Variants in KLHL20 observed in about 807,000 individuals in gnomAD.
KLHL20 encodes kelch like family member 20, also known as kelch-like protein 20.
Under a neutral mutation model 69.5 loss-of-function variants are expected in KLHL20, and 29 were observed. That is an observed-to-expected ratio of 0.42 (90% CI 0.31 to 0.57). KLHL20 has a LOEUF of 0.57. KLHL20 is among the 20% of genes least tolerant of loss of function. The probability of loss-of-function intolerance (pLI) is 0.18; values close to 1 mark genes in which losing one functional copy is unlikely to be tolerated. For synonymous variants in KLHL20, 253 were observed against 265.2 expected, an observed-to-expected ratio of 0.95 and a Z score of 0.45; for missense variants, 419 against 776.0, an observed-to-expected ratio of 0.54 and a Z score of 5.47.
intron 11 of KLHL20, 115 bp downstream of exon 11, chr1:173,782,345 G>A: frequency 1.5e-6 from 1 of 651,238 alleles, no homozygotes; most frequent in Non-Finnish European, 2.6e-6. Context: ...ACTTTGAAGA[G>A]GGCTGAAGTT....
At chr1:173,746,706 A>T (rs969291428) in intron 3 of KLHL20, among the ~76,000 whole-genome samples, 7 of 152,046 alleles carry the variant, frequency 4.6e-5, no homozygotes, top group Non-Finnish European at 1.0e-4. Context: ...TTTACTTATT[A>T]ATTAGATCTA....
intron 2 of KLHL20, 150 bp from the exon 3 acceptor site, chr1:173,733,563 C>T: frequency 1.5e-6 from 1 of 677,094 alleles, no homozygotes; most frequent in South Asian, 2.1e-5. Flanking sequence ...ATCTGGGCAA[C>T]ACAGTGAGAC....
intron 2 of KLHL20, among the ~76,000 whole-genome samples, chr1:173,729,851 G>GT (rs1482829767): frequency 1.3e-5 from 2 of 152,182 alleles, no homozygotes; most frequent in Non-Finnish European, 2.9e-5. Flanking sequence ...TCAACATAGT[G>GT]TTGGAAGTTC....
At chr1:173,753,557 A>G (rs1423959891) in intron 5 of KLHL20, among the ~76,000 whole-genome samples, 2 of 152,206 alleles carry the variant, frequency 1.3e-5, no homozygotes, top group Non-Finnish European at 2.9e-5. Context: ...ATAAAAAGGT[A>G]GATTTCCAAG....
At chr1:173,726,049 A>T (rs1392302499) in intron 2 of KLHL20, among the ~76,000 whole-genome samples, 1 of 152,136 alleles carries the variant, frequency 6.6e-6, no homozygotes, top group Non-Finnish European at 1.5e-5. Flanking sequence ...CTCCTACCTT[A>T]ATACTGCGCT....
At chr1:173,724,705 T>G (rs968636656) in intron 2 of KLHL20, among the ~76,000 whole-genome samples, 1 of 152,086 alleles carries the variant, frequency 6.6e-6, no homozygotes, top group Non-Finnish European at 1.5e-5. Context: ...CTTAGGGGGC[T>G]GAGGTGGGAG....
chr1:173,745,984 T>G (rs1364115845), intron 3 of KLHL20, among the ~76,000 whole-genome samples: 3 of 152,130 alleles, frequency 2.0e-5, no homozygotes, highest in Non-Finnish European at 2.9e-5. Flanking sequence ...AGTATTCATG[T>G]CCAACAATTC....
chr1:173,752,954 G>A (rs1035105440), intron 4 of KLHL20, among the ~76,000 whole-genome samples: 1 of 152,034 alleles, frequency 6.6e-6, no homozygotes, highest in African/African-American at 2.4e-5. Flanking sequence ...GATCACTTGA[G>A]CTCAGGTGTT....
chr1:173,746,616 T>C (rs1673071283), intron 3 of KLHL20, among the ~76,000 whole-genome samples: 1 of 152,112 alleles, frequency 6.6e-6, no homozygotes, highest in Non-Finnish European at 1.5e-5. Context: ...ACTTTGATTT[T>C]GTATGTGTGT....
At position 173,757,037 on chromosome 1, in the gene KLHL20, T is replaced by G; in HGVS notation, c.1029T>G (p.Asn343Lys). 1 of 1,614,148 alleles carries G rather than the reference T, an allele frequency of 6.2e-7. No individual in the cohort carries two copies. Among genetic ancestry groups the G allele is most frequent in the Non-Finnish European group, 8.5e-7 (1 of 1,180,016 alleles). ...TTGAACGATATGATCCACAGACCAA[T>G]GAATGGAGAATGGTGGCTTCAATGA... ...SSVERYDPQT[N>K]EWRMVASMSK... Residue 343 changes from asparagine to lysine, a missense_variant, in exon 7 of 12, where the codon AAT becomes AAG. This residue lies in a region of KLHL20 where 24 missense variants were observed against 22.5 expected (regional missense o/e 1.07). Transcript: ENST00000209884.
Position 173,746,755 on chromosome 1 carries a change from T to C in KLHL20, c.598-5009T>C, listed in dbSNP as rs75775592. The stretch of plus-strand genomic sequence containing the variant: ...TTGTATTTCATTCTGGTTTTACCTT[T>C]ATTATCTTCTTGCTTGTACTTTCTT... On this transcript the variant is annotated intron_variant, in intron 3 of 11. Coordinates refer to ENST00000209884, the MANE Select transcript of KLHL20 (RefSeq NM_014458.4). Among the ~76,000 whole-genome samples, 835 of 152,158 alleles carry C rather than the reference T, an allele frequency of 5.5e-3. 8 individuals carry two copies. Among genetic ancestry groups the C allele is most frequent in the African/African-American group, 0.018 (766 of 41,570 alleles).
At chr1:173,758,122 T>G (rs548996209) in intron 7 of KLHL20, among the ~76,000 whole-genome samples, 1 of 151,976 alleles carries the variant, frequency 6.6e-6, no homozygotes, top group East Asian at 1.9e-4. Context: ...ATACAAAAAT[T>G]TACTAGTTGT....
chr1:173,753,322 G>A lies in KLHL20; in HGVS notation c.851+15G>A. 6.3e-7 allele frequency: 1 copy of A among 1,590,578 alleles called. No homozygotes were observed. The highest frequency in any genetic ancestry group is 8.6e-7 in the Non-Finnish European group (1 of 1,158,904). On this transcript the variant is annotated intron_variant, in intron 5 of 11. Transcript: ENST00000209884. ...GAAGAATGCAGGTATGAGTGACCCTGGATGGGAAAAATCAACAACTAAGCA... is the reference window on the plus strand; with the variant it reads ...GAAGAATGCAGGTATGAGTGACCCTAGATGGGAAAAATCAACAACTAAGCA...
rs747814402 is a variant in KLHL20 at position 173,733,969 on chromosome 1, C to T, written c.280C>T (p.Arg94Ter). 7 of 1,614,006 alleles carry T rather than the reference C, an allele frequency of 4.3e-6. No homozygotes were observed. Among genetic ancestry groups the T allele is most frequent in the East Asian group, 2.2e-5 (1 of 44,888 alleles). Residue 94 changes from arginine (R) to a stop codon, truncating the protein, a stop_gained, in exon 3 of 12, where the codon CGA (arginine) becomes TGA (stop). Transcript: ENST00000209884. LOFTEE classifies it high-confidence loss of function. ...TTTGTCAGCCTGTAGTCCCTACTTC[C>T]GAGCTATGTTTACAGGAGAATTGGC... ...VILSACSPYF[R>*]AMFTGELAES...
At chr1:173,716,352 A>C (rs896621189) in intron 2 of KLHL20, among the ~76,000 whole-genome samples, 1 of 152,172 alleles carries the variant, frequency 6.6e-6, no homozygotes, top group African/African-American at 2.4e-5. Flanking sequence ...TTATGATACT[A>C]TATGGATTTA....
At chr1:173,725,273 G>A (rs1671902412) in intron 2 of KLHL20, among the ~76,000 whole-genome samples, 1 of 152,138 alleles carries the variant, frequency 6.6e-6, no homozygotes, top group Non-Finnish European at 1.5e-5. Flanking sequence ...AGTACCTCAG[G>A]AGATGCGTGG....
At chr1:173,734,477 AT>A (rs1177065688) in intron 3 of KLHL20, 191 bp downstream of exon 3, 16 of 608,760 alleles carry the variant, frequency 2.6e-5, no homozygotes, top group Non-Finnish European at 4.3e-5. Flanking sequence ...GCAAGTTAAG[AT>A]TTAGGGATTT....
At chr1:173,782,095 C>T (rs978476198) in intron 10 of KLHL20, 29 bp from the exon 11 acceptor site, 3 of 1,490,016 alleles carry the variant, frequency 2.0e-6, no homozygotes, top group Non-Finnish European at 2.8e-6. Context: ...CTAGTTTCTT[C>T]AGCAGCTTAC....
At chr1:173,766,504 G>A (rs1424480448) in intron 8 of KLHL20, among the ~76,000 whole-genome samples, 1 of 151,420 alleles carries the variant, frequency 6.6e-6, no homozygotes, top group Non-Finnish European at 1.5e-5. Flanking sequence ...AAATTAGCCG[G>A]GCGTGGTGGT....
Sources: allele counts gnomAD v4.1 joint callset (sites outside exome capture counted in the v4.1 genomes callset), GRCh38; gene constraint gnomAD v4.1.1; regional missense constraint gnomAD v4.1.1; transcripts MANE v1.5; gene names NCBI Gene and HGNC (gene_info 2026-07-23, HGNC 2026-07-21).